Variants in MGAT4A observed in about 807,000 individuals in gnomAD.
The protein encoded by MGAT4A is N-acetylglucosaminyltransferase IVa.
In MGAT4A, 33 loss-of-function variants were observed where a neutral mutation model predicts 74.1. That is an observed-to-expected ratio of 0.45 (90% CI 0.34 to 0.60). The LOEUF is 0.60. Ranked by LOEUF, MGAT4A falls within the 20% of genes least tolerant of loss-of-function variation. MGAT4A has a pLI of 0.02. For missense variants in MGAT4A, 479 were observed against 628.3 expected (o/e 0.76, Z 2.54); for synonymous variants, 198 against 210.4 (o/e 0.94, Z 0.51).
At chr2:98,636,337 T>A (rs1195903019) in intron 13 of MGAT4A, among the ~76,000 whole-genome samples, 180 bp downstream of exon 13, 1 of 152,136 alleles carries the variant, frequency 6.6e-6, no homozygotes, top group Non-Finnish European at 1.5e-5. Flanking sequence ...TTTCTATGAA[T>A]GGGTCAAATG....
intron 7 of MGAT4A, chr2:98,656,139 A>G: frequency 2.1e-6 from 1 of 468,738 alleles, no homozygotes. Context: ...AGCTAGTTTA[A>G]GAAAACACAG....
intron 2 of MGAT4A, among the ~76,000 whole-genome samples, chr2:98,690,365 G>A (rs995962308): frequency 6.6e-6 from 1 of 152,132 alleles, no homozygotes; most frequent in Non-Finnish European, 1.5e-5. Context: ...CTTAGCAAGT[G>A]TGGCATCAGC....
At chr2:98,710,303 A>G (rs1217310957) in intron 2 of MGAT4A, among the ~76,000 whole-genome samples, 1 of 152,238 alleles carries the variant, frequency 6.6e-6, no homozygotes, top group East Asian at 1.9e-4. Flanking sequence ...ACAGCCTAAC[A>G]TGGTATCCGG....
At chr2:98,704,298 G>T (rs1206437222) in intron 2 of MGAT4A, among the ~76,000 whole-genome samples, 1 of 152,210 alleles carries the variant, frequency 6.6e-6, no homozygotes, top group African/African-American at 2.4e-5. Flanking sequence ...TGTAATCCCA[G>T]CACTTTGGGA....
intron 10 of MGAT4A, 35 bp from the exon 11 acceptor site, chr2:98,640,263 C>T (rs1455622816): frequency 4.6e-6 from 7 of 1,527,070 alleles, no homozygotes; most frequent in South Asian, 1.2e-5. Flanking sequence ...AGTGTTGCAT[C>T]ATAAAGTGAA....
chr2:98,658,497 G>A (rs186500559), intron 5 of MGAT4A, among the ~76,000 whole-genome samples: 46 of 152,200 alleles, frequency 3.0e-4, no homozygotes, highest in African/African-American at 1.1e-3. Context: ...TGTCTGTGTT[G>A]CATTCACTAG....
At chr2:98,721,055 T>C (rs140697765) in intron 2 of MGAT4A, among the ~76,000 whole-genome samples, 2 of 152,218 alleles carry the variant, frequency 1.3e-5, no homozygotes, top group African/African-American at 2.4e-5. Flanking sequence ...AAAAATGACA[T>C]TACTTACAAG....
Position 98,655,481 on chromosome 2 carries a change from C to A in MGAT4A, c.738G>T (p.Met246Ile). The A allele has an allele frequency of 6.2e-7, 1 of 1,610,962 alleles. No individual in the cohort carries two copies. Among genetic ancestry groups the A allele is most frequent in the South Asian group, 1.1e-5 (1 of 90,632 alleles). ...TKQNLDYCFL[M>I]MYAQEKGIYY... ...ATATGCCCTTTTCTTGAGCATACAT[C>A]ATTAGAAAACAGTAATCTAGGTTTT... is the stretch of plus-strand genomic sequence containing the variant. Residue 246 changes from methionine to isoleucine, a missense_variant, in exon 8 of 16, where the codon ATG (methionine) becomes ATT (isoleucine). Physicochemically the swap from Met to Ile is conservative, Grantham distance 10 (BLOSUM62 1). This residue lies in a region of MGAT4A where 38 missense variants were observed against 87.4 expected (regional missense o/e 0.43). Transcript: ENST00000393487.
chr2:98,669,425 G>T lies in MGAT4A; in HGVS notation c.403+5610C>A, dbSNP rs976736837. On this transcript the variant is annotated intron_variant, in intron 4 of 15. Transcript: ENST00000393487. ...TGCCTTCCGCCATGATTGTGAGGCC[G>T]CCCCAGCCACGTGGAACTGTTAAGT... Among the ~76,000 whole-genome samples, 4 of 152,136 alleles carry T rather than the reference G, an allele frequency of 2.6e-5. 1 individual carries two copies. The highest frequency in any genetic ancestry group is 4.8e-5 in the African/African-American group (2 of 41,422).
In MGAT4A at chr2:98,640,009, C is replaced by T. The variant is rs1487121390; in HGVS notation, c.1129-8G>A. ...TTTCATATAATCTTTATCCTGGGAG[C>T]AAAGACATATATGCTATTAAATAAT... On this transcript the variant is annotated splice_region_variant and splice_polypyrimidine_tract_variant and intron_variant, in intron 11 of 15. Coordinates refer to ENST00000393487, the MANE Select transcript of MGAT4A (RefSeq NM_012214.3). 6.2e-7 allele frequency: 1 copy of T among 1,605,110 alleles called. No homozygotes were observed. Among genetic ancestry groups the T allele is most frequent in the Non-Finnish European group, 8.5e-7 (1 of 1,174,848 alleles).
At chr2:98,718,939 A>T (rs1264713707) in intron 2 of MGAT4A, among the ~76,000 whole-genome samples, 2 of 151,998 alleles carry the variant, frequency 1.3e-5, no homozygotes, top group African/African-American at 4.8e-5. Context: ...TCAGAGAAAA[A>T]CCTGTCATTA....
Position 98,624,213 on chromosome 2 carries a change from C to T in MGAT4A, c.*1353G>A, listed in dbSNP as rs990928986. 2.3e-5 allele frequency: 12 copies of T among 516,254 alleles called. No homozygotes were observed. Among genetic ancestry groups the T allele is most frequent in the East Asian group, 1.5e-4 (1 of 6,746 alleles). The allele number at this position is 516,254 out of a possible 1,614,324, so 32.0% of individuals were successfully genotyped here. A position where few individuals can be genotyped will look rare whatever the true frequency, so the allele number is the denominator to read the frequency against. The stretch of plus-strand genomic sequence containing the variant: ...ATTTTTAGTAGAGACAGGGTTTCAC[C>T]GTGTTAGCCAGGATGGTCTTGATCT... On this transcript the variant is annotated 3_prime_UTR_variant, in exon 16 of 16. Transcript: ENST00000393487.
chr2:98,636,346 T>C (rs1427531629), intron 13 of MGAT4A, among the ~76,000 whole-genome samples, 171 bp downstream of exon 13: 1 of 152,158 alleles, frequency 6.6e-6, no homozygotes, highest in East Asian at 1.9e-4. Flanking sequence ...ATGGGTCAAA[T>C]GCACTCGTCA....
At chr2:98,668,584 C>T (rs1215297278) in intron 4 of MGAT4A, among the ~76,000 whole-genome samples, 1 of 152,252 alleles carries the variant, frequency 6.6e-6, no homozygotes, top group Non-Finnish European at 1.5e-5. Context: ...AGAGCCCCCC[C>T]AGCAGAGTCC....
rs560411925 is a variant in MGAT4A, at chr2:98,730,885, G to A, written c.-236+163C>T. Among the ~76,000 whole-genome samples, 5 of 144,690 alleles carry A rather than the reference G, an allele frequency of 3.5e-5. 1 individual carries two copies. The South Asian group carries it at 1.1e-3, about 31-fold the overall frequency. 94.9% of individuals were successfully genotyped at this position (144,690 alleles called of 152,430 possible). A position where few individuals can be genotyped will look rare whatever the true frequency, so the allele number is the denominator to read the frequency against. On this transcript the variant is annotated intron_variant, in intron 1 of 15. Coordinates refer to ENST00000393487, the MANE Select transcript of MGAT4A (RefSeq NM_012214.3). ...AGCTCCCCCGCACAGAGCTCCGGCC[G>A]GGCCGCGGCGCAGTAGGCTCCTTTA...
At chr2:98,697,673 T>C (rs1426588441) in intron 2 of MGAT4A, among the ~76,000 whole-genome samples, 1 of 152,178 alleles carries the variant, frequency 6.6e-6, no homozygotes, top group African/African-American at 2.4e-5. Context: ...TTTAAATAGG[T>C]TTTTGAAAAA....
At chr2:98,634,886 G>A (rs1701294705) in intron 14 of MGAT4A, among the ~76,000 whole-genome samples, 2 of 151,836 alleles carry the variant, frequency 1.3e-5, no homozygotes, top group East Asian at 3.9e-4. Context: ...GGAGGGAAGG[G>A]GCCCGAAGCA....
At position 98,656,428 on chromosome 2, in the gene MGAT4A, T is replaced by C. The variant is rs544969687; in HGVS notation, c.622A>G (p.Ile208Val). Reference sequence around the variant, plus strand: ...GGATAATAGCTTTCAGGGGGTGATATGACTTCCACCAAGCCAGAACTGATT... The same window carrying C: ...GGATAATAGCTTTCAGGGGGTGATACGACTTCCACCAAGCCAGAACTGATT... The part of the protein sequence containing the change: ...KEISSGLVEV[I>V]SPPESYYPDL... Residue 208 changes from isoleucine to valine, a missense_variant, in exon 7 of 16, where the codon ATA (isoleucine) becomes GTA (valine). This residue lies in a region of MGAT4A where 38 missense variants were observed against 87.4 expected (regional missense o/e 0.43). Coordinates refer to ENST00000393487, the MANE Select transcript of MGAT4A (RefSeq NM_012214.3). 1.1e-5 allele frequency: 18 copies of C among 1,612,262 alleles called. No individual in the cohort carries two copies. The South Asian group carries it at 1.9e-4, about 17-fold the overall frequency.
intron 14 of MGAT4A, among the ~76,000 whole-genome samples, chr2:98,632,086 G>A (rs1701246106): frequency 6.6e-6 from 1 of 151,416 alleles, no homozygotes; most frequent in Non-Finnish European, 1.5e-5. Flanking sequence ...CTTCAGCCTG[G>A]GCGGCAAAGC....
Sources: allele counts gnomAD v4.1 joint callset (sites outside exome capture counted in the v4.1 genomes callset), GRCh38; gene constraint gnomAD v4.1.1; regional missense constraint gnomAD v4.1.1; transcripts MANE v1.5; gene names NCBI Gene and HGNC (gene_info 2026-07-23, HGNC 2026-07-21).